The following TRIM44 variants were observed in gnomAD, a reference collection of about 807,000 sequenced individuals.
The protein encoded by TRIM44 is tripartite motif-containing protein 44.
In TRIM44, 13 loss-of-function variants were observed where a neutral mutation model predicts 37.4. That is an observed-to-expected ratio of 0.35 (90% CI 0.23 to 0.55). TRIM44 has a LOEUF of 0.55. TRIM44 is among the 20% of genes least tolerant of loss of function. The pLI, the probability that TRIM44 is intolerant of heterozygous loss-of-function variation, is 0.89. For missense variants in TRIM44, 426 were observed against 437.2 expected, an observed-to-expected ratio of 0.97 and a Z score of 0.23; for synonymous variants, 175 against 157.2, an observed-to-expected ratio of 1.11 and a Z score of -0.85.
chr11:35,735,503 C>G lies in TRIM44; in HGVS notation c.1007+58C>G, dbSNP rs1369913752. ...AATTGAAGTAGAGTGACATTTGTGG[C>G]CTTTTAGTGCTCCATGAAATATAGA... On this transcript the variant is annotated intron_variant, in intron 4 of 4. Coordinates refer to ENST00000299413, the MANE Select transcript of TRIM44 (RefSeq NM_017583.6). 5.2e-6 allele frequency: 8 copies of G among 1,536,598 alleles called. No homozygotes were observed. In the East Asian group the frequency reaches 1.8e-4, roughly 35 times the overall value.
At chr11:35,703,926 T>A (rs1194698565) in intron 2 of TRIM44, among the ~76,000 whole-genome samples, 1 of 151,448 alleles carries the variant, frequency 6.6e-6, no homozygotes, top group African/African-American at 2.4e-5. Flanking sequence ...CTTTGACGAG[T>A]TGAGAGAAGA....
At chr11:35,776,587 T>C (rs1166214714) in intron 4 of TRIM44, among the ~76,000 whole-genome samples, 2 of 152,254 alleles carry the variant, frequency 1.3e-5, no homozygotes, top group East Asian at 3.8e-4. Context: ...CTTTCTCTTG[T>C]GGGCATTTAG....
intron 2 of TRIM44, among the ~76,000 whole-genome samples, chr11:35,708,857 C>T (rs946052255): frequency 6.6e-6 from 1 of 151,774 alleles, no homozygotes; most frequent in Non-Finnish European, 1.5e-5. Flanking sequence ...CACATGTATA[C>T]AACTGTAACT....
intron 2 of TRIM44, among the ~76,000 whole-genome samples, chr11:35,693,538 A>G (rs576028898): frequency 6.6e-6 from 1 of 152,230 alleles, no homozygotes; most frequent in Non-Finnish European, 1.5e-5. Flanking sequence ...ATGTTTCTTT[A>G]AAGTCTTAGT....
rs867271738 is a variant in TRIM44, at chr11:35,817,391, C to T, written c.*11006C>T. The T allele has an allele frequency of 4.6e-5, 7 of 152,286 alleles. No individual in the cohort carries two copies. Among genetic ancestry groups the T allele is most frequent in the Middle Eastern group, 3.4e-3 (1 of 292 alleles). The allele number at this position is 152,286 out of a possible 1,614,324, so 9.4% of individuals were successfully genotyped here. On this transcript the variant is annotated 3_prime_UTR_variant, in exon 5 of 5. Coordinates refer to ENST00000299413, the MANE Select transcript of TRIM44 (RefSeq NM_017583.6). ...CTCTCTCTACATGCGCCTAAAATGA[C>T]GGGTAGGGTCAGAGACATTGGAGGA...
At position 35,764,667 on chromosome 11, in the gene TRIM44, C is replaced by A. The variant is rs143976736; in HGVS notation, c.1007+29222C>A. Among the ~76,000 whole-genome samples, 114 of 152,258 alleles carry A rather than the reference C, an allele frequency of 7.5e-4. No individual in the cohort carries two copies. In the East Asian group the frequency reaches 0.021, roughly 28 times the overall value. ...TTCCTATCCCTCTTTCCCAGCTTTG[C>A]CAGTAGGAGAGTACAATTATCAAAG... On this transcript the variant is annotated intron_variant, in intron 4 of 4. Transcript: ENST00000299413.
chr11:35,741,046 G>C (rs1242858588), intron 4 of TRIM44, among the ~76,000 whole-genome samples: 1 of 151,966 alleles, frequency 6.6e-6, no homozygotes, highest in African/African-American at 2.4e-5. Context: ...GGTTTCTTTT[G>C]TCTTCTGATT....
At chr11:35,762,824 T>C (rs1852746574) in intron 4 of TRIM44, among the ~76,000 whole-genome samples, 1 of 152,114 alleles carries the variant, frequency 6.6e-6, no homozygotes, top group African/African-American at 2.4e-5. Flanking sequence ...TTTAAACTAT[T>C]TAAACTAAGG....
chr11:35,800,850 T>C (rs996897346), intron 4 of TRIM44, among the ~76,000 whole-genome samples: 1 of 152,244 alleles, frequency 6.6e-6, no homozygotes, highest in African/African-American at 2.4e-5. Flanking sequence ...TCCTAAACTT[T>C]GCTTAAAATG....
chr11:35,759,849 C>T (rs960428326), intron 4 of TRIM44, among the ~76,000 whole-genome samples: 1 of 152,160 alleles, frequency 6.6e-6, no homozygotes, highest in Non-Finnish European at 1.5e-5. Context: ...CTGATCATTC[C>T]TCTGGAAGTT....
Position 35,707,655 on chromosome 11 carries a change from G to A in TRIM44, c.748-18269G>A, listed in dbSNP as rs917669506. On this transcript the variant is annotated intron_variant, in intron 2 of 4. Coordinates refer to ENST00000299413, the MANE Select transcript of TRIM44 (RefSeq NM_017583.6). ...TTTGACAAACCTGACAAAAACAAGAGATGGGGAAAGGATTCCCTATTTAAT... is the reference window on the plus strand; with the variant it reads ...TTTGACAAACCTGACAAAAACAAGAAATGGGGAAAGGATTCCCTATTTAAT... Among the ~76,000 whole-genome samples, 5 of 148,008 alleles carry A rather than the reference G, an allele frequency of 3.4e-5. No individual in the cohort carries two copies. In the East Asian group the frequency reaches 5.9e-4, roughly 17 times the overall value.
intron 2 of TRIM44, among the ~76,000 whole-genome samples, chr11:35,702,844 A>G (rs1424289471): frequency 6.6e-6 from 1 of 152,212 alleles, no homozygotes; most frequent in Non-Finnish European, 1.5e-5. Context: ...AAGACGGGTG[A>G]TTTCTGCATT....
chr11:35,731,166 G>C (rs548628258), intron 3 of TRIM44, among the ~76,000 whole-genome samples: 50 of 152,202 alleles, frequency 3.3e-4, no homozygotes, highest in African/African-American at 1.2e-3. Flanking sequence ...TCCTTGCCTT[G>C]TTCATAATCT....
At chr11:35,715,045 T>C (rs1158270938) in intron 2 of TRIM44, among the ~76,000 whole-genome samples, 3 of 152,214 alleles carry the variant, frequency 2.0e-5, no homozygotes, top group Admixed American at 6.5e-5. Context: ...GAGAAGCAAC[T>C]TAAGAGCAAG....
At chr11:35,740,588 C>T (rs1852384040) in intron 4 of TRIM44, among the ~76,000 whole-genome samples, 1 of 152,184 alleles carries the variant, frequency 6.6e-6, no homozygotes, top group Admixed American at 6.5e-5. Context: ...CTGACCCATA[C>T]CGATTCTGCG....
chr11:35,792,466 A>G (rs1414864344), intron 4 of TRIM44, among the ~76,000 whole-genome samples: 1 of 152,218 alleles, frequency 6.6e-6, no homozygotes, highest in Non-Finnish European at 1.5e-5. Flanking sequence ...CTAACATATT[A>G]TACTACCTCC....
rs1008724843 is a variant in TRIM44, at chr11:35,811,788, C to T, written c.*5403C>T. 1 of 152,200 alleles carries T rather than the reference C, an allele frequency of 6.6e-6. No homozygotes were observed. The highest frequency in any genetic ancestry group is 1.5e-5 in the Non-Finnish European group (1 of 68,042). The allele number at this position is 152,200 out of a possible 1,614,324, so 9.4% of individuals were successfully genotyped here. ...CTCTCCTCTAAATTTTCTTTTAACA[C>T]ATTTATCTTCATCAGACCCTTTTAG... On this transcript the variant is annotated 3_prime_UTR_variant, in exon 5 of 5. Coordinates refer to ENST00000299413, the MANE Select transcript of TRIM44 (RefSeq NM_017583.6).
At chr11:35,752,984 G>A (rs765849608) in intron 4 of TRIM44, among the ~76,000 whole-genome samples, 2 of 152,150 alleles carry the variant, frequency 1.3e-5, no homozygotes, top group African/African-American at 4.8e-5. Context: ...TTTCACAACT[G>A]TATTCTCTAG....
Position 35,668,859 on chromosome 11 carries a change from C to T in TRIM44, c.669+5079C>T, listed in dbSNP as rs549195229. On this transcript the variant is annotated intron_variant, in intron 1 of 4. Transcript: ENST00000299413. ...TCAGTTTTGATAAGTTACATTTTCTCAGACGTTTGTCCATTTTATGTAAAT... is the reference window on the plus strand; with the variant it reads ...TCAGTTTTGATAAGTTACATTTTCTTAGACGTTTGTCCATTTTATGTAAAT... Among the ~76,000 whole-genome samples the T allele has an allele frequency of 3.9e-5, 6 of 152,280 alleles. No individual in the cohort carries two copies. In the South Asian group the frequency reaches 1.2e-3, roughly 32 times the overall value.
Sources: allele counts gnomAD v4.1 joint callset (sites outside exome capture counted in the v4.1 genomes callset), GRCh38; gene constraint gnomAD v4.1.1; transcripts MANE v1.5; gene names NCBI Gene and HGNC (gene_info 2026-07-23, HGNC 2026-07-21).